Variants in EDARADD observed in about 807,000 individuals in gnomAD.
EDARADD encodes the protein EDAR associated via death domain.
A neutral mutation model predicts 25.6 loss-of-function variants in EDARADD; 20 were observed. That is an observed-to-expected ratio of 0.78 (90% CI 0.55 to 1.14). EDARADD has a LOEUF of 1.14. Among genes scored for constraint, EDARADD ranks in the 50% most tolerant of loss-of-function variants. The probability of loss-of-function intolerance (pLI) is 0.00; values close to 1 mark genes in which losing one functional copy is unlikely to be tolerated. For synonymous variants in EDARADD, 86 were observed against 94.4 expected (o/e 0.91, Z 0.52); for missense variants, 225 against 270.1 (o/e 0.83, Z 1.17).
chr1:236,474,274 G>A (rs538439720), intron 5 of EDARADD, among the ~76,000 whole-genome samples: 2 of 152,184 alleles, frequency 1.3e-5, no homozygotes, highest in African/African-American at 4.8e-5. Flanking sequence ...GACAGTTACC[G>A]TGATGATAAG....
At chr1:236,386,864 A>G (rs1572120179) in intron 3 of EDARADD, among the ~76,000 whole-genome samples, 2 of 74,040 alleles carry the variant, frequency 2.7e-5, no homozygotes, top group Non-Finnish European at 5.5e-5. Context: ...CCCATCCGGG[A>G]GGGAGGTGGG....
chr1:236,429,040 G>T (rs1281763446), intron 4 of EDARADD, among the ~76,000 whole-genome samples: 1 of 152,108 alleles, frequency 6.6e-6, no homozygotes, highest in African/African-American at 2.4e-5. Flanking sequence ...GCAGGCTGAG[G>T]CAGGAGAATC....
chr1:236,404,503 A>G (rs1667673515), intron 1 of EDARADD, among the ~76,000 whole-genome samples: 1 of 152,206 alleles, frequency 6.6e-6, no homozygotes, highest in Non-Finnish European at 1.5e-5. Context: ...TGGCAGTAAC[A>G]TGTATGTAAG....
chr1:236,459,655 C>T (rs1658985999), intron 4 of EDARADD, among the ~76,000 whole-genome samples: 1 of 139,884 alleles, frequency 7.1e-6, no homozygotes, highest in Non-Finnish European at 1.5e-5. Context: ...ATTCTTGTCA[C>T]CCAGCCTGGA....
At position 236,484,526 on chromosome 1, in the gene EDARADD, T is replaced by C; in HGVS notation, c.*1877T>C. 1 of 1,422,636 alleles carries C rather than the reference T, an allele frequency of 7.0e-7. No individual in the cohort carries two copies. Among genetic ancestry groups the C allele is most frequent in the South Asian group, 1.2e-5 (1 of 85,976 alleles). The allele number at this position is 1,422,636 out of a possible 1,614,324, so 88.1% of individuals were successfully genotyped here. A position where few individuals can be genotyped will look rare whatever the true frequency, so the allele number is the denominator to read the frequency against. On this transcript the variant is annotated 3_prime_UTR_variant, in exon 6 of 6. Transcript: ENST00000334232. The surrounding 1 kb of genome is among the most constrained non-coding windows in gnomAD (Gnocchi z 4.1). The stretch of plus-strand genomic sequence containing the variant: ...GTGGCTAATTAGACCCCTCCCCTTG[T>C]GTCAACTCCGGCAGCTCAAGACCCC...
chr1:236,478,737 C>T (rs1659580939), intron 5 of EDARADD, among the ~76,000 whole-genome samples: 2 of 152,164 alleles, frequency 1.3e-5, no homozygotes, highest in Admixed American at 1.3e-4. Flanking sequence ...CAGGCGCCCG[C>T]CATCACGCCC....
intron 3 of EDARADD, among the ~76,000 whole-genome samples, chr1:236,354,438 A>G (rs551082866): frequency 6.6e-6 from 1 of 152,304 alleles, no homozygotes; most frequent in South Asian, 2.1e-4. Context: ...TGATGATAAC[A>G]TCTGTGATCT....
chr1:236,415,105 G>A (rs1657602136), intron 3 of EDARADD, among the ~76,000 whole-genome samples: 1 of 152,164 alleles, frequency 6.6e-6, no homozygotes. Flanking sequence ...CACCAGCACG[G>A]ATAGCACAAT....
At chr1:236,468,145 T>G in intron 4 of EDARADD, 86 bp from the exon 5 acceptor site, 2 of 1,373,308 alleles carry the variant, frequency 1.5e-6, no homozygotes, top group Non-Finnish European at 2.1e-6. Flanking sequence ...AGGGTTTTGG[T>G]GGAAATTTAA....
At chr1:236,359,948 T>A (rs1373347062) in intron 3 of EDARADD, among the ~76,000 whole-genome samples, 1 of 152,180 alleles carries the variant, frequency 6.6e-6, no homozygotes, top group Non-Finnish European at 1.5e-5. Flanking sequence ...GCAACACAAG[T>A]GGGCTAAGAC....
At chr1:236,428,812 G>A (rs559809112) in intron 4 of EDARADD, among the ~76,000 whole-genome samples, 2 of 151,650 alleles carry the variant, frequency 1.3e-5, no homozygotes, top group South Asian at 2.1e-4. Flanking sequence ...TGTAGCGAGC[G>A]GAGATCACGC....
intron 3 of EDARADD, among the ~76,000 whole-genome samples, chr1:236,356,187 G>T (rs12064089): frequency 1.3e-3 from 192 of 152,170 alleles, no homozygotes; most frequent in African/African-American, 4.4e-3. Flanking sequence ...CTTCATCTCA[G>T]GATACCAGCA....
rs537281079 is a variant in EDARADD at position 236,353,891 on chromosome 1, T to G, written c.-6+3052T>G. Reference sequence around the variant, plus strand: ...GACAGCTCTTTCCTTAAAAAAAAAGTTTTTTTTTGCAAGAGAAAAGACAGA... The same window carrying G: ...GACAGCTCTTTCCTTAAAAAAAAAGGTTTTTTTTGCAAGAGAAAAGACAGA... On this transcript the variant is annotated intron_variant, in intron 3 of 7. Coordinates refer to the EDARADD transcript ENST00000439430. Among the ~76,000 whole-genome samples the G allele has an allele frequency of 2.3e-4, 34 of 150,988 alleles. No homozygotes were observed. The South Asian group carries it at 5.0e-3, about 22-fold the overall frequency.
At chr1:236,351,582 T>C (rs1422907842) in intron 3 of EDARADD, among the ~76,000 whole-genome samples, 1 of 151,818 alleles carries the variant, frequency 6.6e-6, no homozygotes, top group East Asian at 1.9e-4. Context: ...TGGTGGCGCA[T>C]GCCTGTAATC....
intron 3 of EDARADD, among the ~76,000 whole-genome samples, chr1:236,363,825 T>C (rs1444981698): frequency 6.6e-6 from 1 of 152,104 alleles, no homozygotes; most frequent in Non-Finnish European, 1.5e-5. Context: ...GTGTTTCCTA[T>C]ACAGCCTGTG....
chr1:236,362,707 G>A (rs915866931), intron 3 of EDARADD, among the ~76,000 whole-genome samples: 3 of 151,854 alleles, frequency 2.0e-5, no homozygotes, highest in African/African-American at 7.3e-5. Flanking sequence ...AATCAATTTT[G>A]AGTTAATTTT....
chr1:236,409,534 A>G (rs1558114266), intron 2 of EDARADD, among the ~76,000 whole-genome samples: 1 of 151,050 alleles, frequency 6.6e-6, no homozygotes, highest in Non-Finnish European at 1.5e-5. Flanking sequence ...GGCTTTACCC[A>G]CTTCCCTGGT....
intron 4 of EDARADD, among the ~76,000 whole-genome samples, chr1:236,454,814 T>C (rs1658811280): frequency 6.6e-6 from 1 of 152,186 alleles, no homozygotes; most frequent in Non-Finnish European, 1.5e-5. Flanking sequence ...TCTAGGGAGA[T>C]ATAGACTTTT....
At chr1:236,428,716 T>C (rs1658002184) in intron 4 of EDARADD, among the ~76,000 whole-genome samples, 1 of 147,196 alleles carries the variant, frequency 6.8e-6, no homozygotes, top group African/African-American at 2.5e-5. Context: ...GAGACGCTCC[T>C]CACTTCCCAG....
Sources: gnomAD v4.1 joint callset for allele counts (sites outside exome capture counted in the v4.1 genomes callset) on GRCh38, gnomAD v4.1.1 for gene constraint, Gnocchi (gnomAD v3.1) non-coding constraint, MANE v1.5 for transcripts, NCBI Gene and HGNC (gene_info 2026-07-23, HGNC 2026-07-21) for gene names.